The following PPP1R1C variants were observed in gnomAD, a reference collection of about 807,000 sequenced individuals.
PPP1R1C encodes the protein protein phosphatase 1 regulatory subunit 1C.
A neutral mutation model predicts 17.4 loss-of-function variants in PPP1R1C; 15 were observed. The observed-to-expected ratio is 0.86, with a 90% CI of 0.58 to 1.33. PPP1R1C has a LOEUF of 1.33. Among genes scored for constraint, PPP1R1C ranks in the 40% most tolerant of loss-of-function variants. PPP1R1C has a pLI of 0.00. For missense variants in PPP1R1C, 143 were observed against 130.0 expected (o/e 1.10, Z -0.48); for synonymous variants, 35 against 43.1 (o/e 0.81, Z 0.73).
At chr2:182,099,447 G>A (rs1452970634) in intron 4 of PPP1R1C, among the ~76,000 whole-genome samples, 1 of 152,160 alleles carries the variant, frequency 6.6e-6, no homozygotes, top group Non-Finnish European at 1.5e-5. Context: ...GCTGTCTCAT[G>A]GGAACGCTGA....
chr2:182,073,809 T>G (rs1330055055), intron 4 of PPP1R1C, among the ~76,000 whole-genome samples: 1 of 152,090 alleles, frequency 6.6e-6, no homozygotes, highest in Non-Finnish European at 1.5e-5. Context: ...CACGTGAACT[T>G]TGAACACTGT....
chr2:182,039,479 G>A (rs1299674505), intron 2 of PPP1R1C, among the ~76,000 whole-genome samples: 10 of 152,178 alleles, frequency 6.6e-5, no homozygotes, highest in East Asian at 3.9e-4. Flanking sequence ...TGACCTCCCC[G>A]ACTCAGGTAA....
intron 4 of PPP1R1C, among the ~76,000 whole-genome samples, chr2:182,094,940 G>A (rs1162691061): frequency 6.6e-6 from 1 of 152,160 alleles, no homozygotes; most frequent in Non-Finnish European, 1.5e-5. Flanking sequence ...TGTAAGCCAA[G>A]GAGTATCTAT....
In PPP1R1C at chr2:182,021,329, T is replaced by C. The variant is rs1471571488; in HGVS notation, c.142+33430T>C. 1.2e-4 allele frequency among the ~76,000 whole-genome samples: 16 copies of C among 136,162 alleles called. 1 individual carries two copies. The highest frequency in any genetic ancestry group is 2.2e-4 in the Admixed American group (3 of 13,938). The allele number at this position is 136,162 out of a possible 152,430, so 89.3% of individuals were successfully genotyped here. ...ATTCTTTCTCTCTCTCTCTTTTTTT[T>C]TTTTTTTTTTTTTTTTTTTAATGGA... On this transcript the variant is annotated intron_variant, in intron 2 of 4. Coordinates refer to ENST00000682840, the MANE Select transcript of PPP1R1C (RefSeq NM_001080545.3).
At position 182,061,462 on chromosome 2, in the gene PPP1R1C, C is replaced by G; in HGVS notation, c.163C>G (p.Pro55Ala). 4.1e-6 allele frequency: 6 copies of G among 1,467,874 alleles called. No homozygotes were observed. Among genetic ancestry groups the G allele is most frequent in the Non-Finnish European group, 5.4e-6 (6 of 1,110,490 alleles). The allele number at this position is 1,467,874 out of a possible 1,614,324, so 90.9% of individuals were successfully genotyped here. A position where few individuals can be genotyped will look rare whatever the true frequency, so the allele number is the denominator to read the frequency against. Residue 55 changes from proline (P) to alanine (A), a missense_variant, in exon 3 of 5, where the codon CCC becomes GCC. Physicochemically the swap from Pro to Ala is conservative, Grantham distance 27. Transcript: ENST00000682840. ...TACAGAAATAGATGACAAGAGGGGG[C>G]CCAACACACAAGGGGAAGTAAGTTT... ...NPPEIDDKRG[P>A]NTQGELQNAS...
intron 2 of PPP1R1C, among the ~76,000 whole-genome samples, chr2:182,015,414 T>C (rs1686233975): frequency 6.6e-6 from 1 of 152,156 alleles, no homozygotes; most frequent in South Asian, 2.1e-4. Flanking sequence ...CTCTTTCCTT[T>C]ATAATTACCC....
At chr2:182,030,362 T>C (rs1474517261) in intron 2 of PPP1R1C, among the ~76,000 whole-genome samples, 5 of 152,058 alleles carry the variant, frequency 3.3e-5, no homozygotes, top group African/African-American at 9.7e-5. Flanking sequence ...TTTTGGTCTT[T>C]GATGAGGGTG....
intron 4 of PPP1R1C, among the ~76,000 whole-genome samples, chr2:182,090,127 T>G (rs1447435212): frequency 6.6e-6 from 1 of 152,166 alleles, no homozygotes; most frequent in African/African-American, 2.4e-5. Flanking sequence ...ATTTGTTCAT[T>G]CCTATCTATG....
intron 2 of PPP1R1C, among the ~76,000 whole-genome samples, chr2:182,028,643 A>G (rs370115977): frequency 5.3e-5 from 8 of 151,906 alleles, no homozygotes; most frequent in East Asian, 3.9e-4. Context: ...TATGTGGTCA[A>G]TTTTGGAATA....
intron 2 of PPP1R1C, among the ~76,000 whole-genome samples, chr2:181,999,589 C>T (rs1052331783): frequency 3.9e-5 from 6 of 152,084 alleles, no homozygotes; most frequent in Non-Finnish European, 8.8e-5. Flanking sequence ...GCAAGCTCCT[C>T]TTTGTAGCTT....
At chr2:182,061,291 C>T (rs1687841727) in intron 2 of PPP1R1C, 151 bp from the exon 3 acceptor site, 2 of 560,564 alleles carry the variant, frequency 3.6e-6, no homozygotes, top group South Asian at 2.7e-5. Flanking sequence ...AACCACCCAC[C>T]TCTGTCCTCC....
chr2:182,090,289 C>CTGTGTCTGTGTGTGTGTGTG (rs1688743879), intron 4 of PPP1R1C, among the ~76,000 whole-genome samples: 1 of 145,592 alleles, frequency 6.9e-6, no homozygotes, highest in Admixed American at 6.8e-5. Flanking sequence ...ACTATAAATT[C>CTGTGTCTGTGTGTGTGTGTG]TGTGTGTGTG....
chr2:181,997,228 CAA>C lies in PPP1R1C; in HGVS notation c.142+9345_142+9346del, dbSNP rs61015359. On this transcript the variant is annotated intron_variant, in intron 2 of 4. Transcript: ENST00000682840. ...TGGGCGACAGAGCAAGACTCCGTCTCAAAAAAAAAAAAAAAAAGAAAAGAAGA... is the reference window on the plus strand; with the variant it reads ...TGGGCGACAGAGCAAGACTCCGTCTCAAAAAAAAAAAAAAAGAAAAGAAGA... Among the ~76,000 whole-genome samples, 58 of 102,798 alleles carry C rather than the reference CAA, an allele frequency of 5.6e-4. 1 individual carries two copies. Among genetic ancestry groups the C allele is most frequent in the East Asian group, 2.5e-3 (8 of 3,176 alleles). 67.4% of individuals were successfully genotyped at this position (102,798 alleles called of 152,430 possible). A position where few individuals can be genotyped will look rare whatever the true frequency, so the allele number is the denominator to read the frequency against.
At chr2:182,124,389 G>T (rs1458754968) in intron 5 of PPP1R1C, among the ~76,000 whole-genome samples, 3 of 51,906 alleles carry the variant, frequency 5.8e-5, no homozygotes, top group South Asian at 1.4e-3. Flanking sequence ...CTCTTTTTTT[G>T]GTTCCATATC....
intron 1 of PPP1R1C, among the ~76,000 whole-genome samples, chr2:181,959,717 C>T (rs1453696337): frequency 6.6e-6 from 1 of 152,082 alleles, no homozygotes. Context: ...TAGACTGAAA[C>T]CTGATAGCAG....
At position 181,957,098 on chromosome 2, in the gene PPP1R1C, G is replaced by A. The variant is rs780693642; in HGVS notation, n.111+2464G>A. 6.6e-6 allele frequency among the ~76,000 whole-genome samples: 1 copy of A among 152,082 alleles called. No homozygotes were observed. The highest frequency in any genetic ancestry group is 1.5e-5 in the Non-Finnish European group (1 of 68,016). On this transcript the variant is annotated intron_variant and non_coding_transcript_variant, in intron 1 of 5. Transcript: ENST00000464264. This position sits in a 1 kb window ranked among gnomAD's most constrained non-coding sequence, Gnocchi z 4.2. ...ACTCAGGCCAGGTGCAGTGGTTCACGCCTGTAATCTCACCACTTTGGGAGG... is the reference window on the plus strand; with the variant it reads ...ACTCAGGCCAGGTGCAGTGGTTCACACCTGTAATCTCACCACTTTGGGAGG...
At chr2:182,116,475 T>G (rs1224196066) in intron 4 of PPP1R1C, among the ~76,000 whole-genome samples, 1 of 152,012 alleles carries the variant, frequency 6.6e-6, no homozygotes, top group Admixed American at 6.6e-5. Flanking sequence ...GTGTGTAGGA[T>G]GAAGATGTCT....
chr2:182,008,103 A>C (rs889266749), intron 2 of PPP1R1C, among the ~76,000 whole-genome samples: 2 of 147,154 alleles, frequency 1.4e-5, no homozygotes, highest in African/African-American at 5.0e-5. Context: ...AAATAAAATA[A>C]AATGAAATCA....
intron 5 of PPP1R1C, among the ~76,000 whole-genome samples, chr2:182,127,323 A>G (rs1689899073): frequency 6.6e-6 from 1 of 152,080 alleles, no homozygotes; most frequent in South Asian, 2.1e-4. Flanking sequence ...AGAAAAAGTG[A>G]GGCCTAGAGA....
Sources: allele counts gnomAD v4.1 joint callset (sites outside exome capture counted in the v4.1 genomes callset), GRCh38; gene constraint gnomAD v4.1.1; non-coding constraint Gnocchi (gnomAD v3.1); transcripts MANE v1.5; gene names NCBI Gene and HGNC (gene_info 2026-07-23, HGNC 2026-07-21).